Variants in GPC6 observed in about 807,000 individuals in gnomAD.
GPC6 encodes the protein glypican-6.
In GPC6, 14 loss-of-function variants were observed where a neutral mutation model predicts 55.2. The observed-to-expected ratio is 0.25, with a 90% confidence interval of 0.17 to 0.40. The LOEUF is 0.40. GPC6 is among the 10% of genes least tolerant of loss of function. The pLI is 1.00. For synonymous variants in GPC6, 278 were observed against 259.6 expected (o/e 1.07, Z -0.68); for missense variants, 641 against 708.5 (o/e 0.90, Z 1.08).
intron 2 of GPC6, among the ~76,000 whole-genome samples, chr13:93,735,865 G>T (rs901102663): frequency 6.6e-6 from 1 of 152,094 alleles, no homozygotes; most frequent in Admixed American, 6.5e-5. Flanking sequence ...TCCATTATTT[G>T]GCTAATTAAT....
At chr13:93,971,073 A>AT (rs1880263007) in intron 3 of GPC6, among the ~76,000 whole-genome samples, 1 of 152,228 alleles carries the variant, frequency 6.6e-6, no homozygotes, top group Non-Finnish European at 1.5e-5. Flanking sequence ...TCAATAATAA[A>AT]TTATTCTACA....
At chr13:93,926,746 G>A (rs1019075198) in intron 3 of GPC6, among the ~76,000 whole-genome samples, 1 of 152,108 alleles carries the variant, frequency 6.6e-6, no homozygotes, top group African/African-American at 2.4e-5. Context: ...CCAGCTTTAG[G>A]CAGGCATATT....
intron 5 of GPC6, among the ~76,000 whole-genome samples, chr13:94,288,942 GATAGATAGATAT>G (rs56836398): frequency 5.7e-3 from 86 of 15,178 alleles, no homozygotes; most frequent in African/African-American, 0.01. Flanking sequence ...TAGATAGATA[GATAGATAGATAT>G]ATAGATAGAT....
chr13:94,400,903 G>T (rs141709547), intron 8 of GPC6, among the ~76,000 whole-genome samples: 1 of 152,180 alleles, frequency 6.6e-6, no homozygotes, highest in African/African-American at 2.4e-5. Flanking sequence ...ATTTTTACGG[G>T]TGAGGAAACG....
chr13:93,516,917 G>A (rs554101947), intron 1 of GPC6, among the ~76,000 whole-genome samples: 61 of 152,194 alleles, frequency 4.0e-4, no homozygotes, highest in African/African-American at 1.4e-3. Flanking sequence ...CAGTAGCTTG[G>A]TCAGGACTGT....
chr13:93,459,439 T>G (rs1392714396), intron 1 of GPC6, among the ~76,000 whole-genome samples: 1 of 152,174 alleles, frequency 6.6e-6, no homozygotes, highest in East Asian at 1.9e-4. Context: ...GCATTTTTTC[T>G]GCTTATATTT....
intron 1 of GPC6, among the ~76,000 whole-genome samples, chr13:93,231,347 A>ACATATATATATATG (rs1876011985): frequency 6.8e-5 from 2 of 29,610 alleles, no homozygotes; most frequent in African/African-American, 3.7e-4. Context: ...ATATATATAC[A>ACATATATATATATG]TATATATATA....
intron 2 of GPC6, among the ~76,000 whole-genome samples, chr13:93,763,804 A>G (rs1364994987): frequency 6.8e-6 from 1 of 147,184 alleles, no homozygotes; most frequent in Non-Finnish European, 1.5e-5. Flanking sequence ...AGATGTTGGA[A>G]TAATTAGCAA....
intron 2 of GPC6, among the ~76,000 whole-genome samples, chr13:93,639,194 C>T (rs548510642): frequency 6.6e-6 from 1 of 152,100 alleles, no homozygotes; most frequent in Non-Finnish European, 1.5e-5. Flanking sequence ...AATGGATGCT[C>T]AGGGAAGCCT....
intron 6 of GPC6, among the ~76,000 whole-genome samples, chr13:94,321,792 G>A (rs1007040729): frequency 6.6e-6 from 1 of 152,118 alleles, no homozygotes; most frequent in African/African-American, 2.4e-5. Context: ...CCCCAGGCCT[G>A]AGCCTATGGA....
At chr13:94,046,510 C>T (rs189809818) in intron 4 of GPC6, among the ~76,000 whole-genome samples, 119 of 151,966 alleles carry the variant, frequency 7.8e-4, no homozygotes, top group Admixed American at 2.0e-3. Flanking sequence ...AGAACAGAGC[C>T]GGGAAAATCT....
chr13:93,872,064 A>G (rs1313823036), intron 3 of GPC6, among the ~76,000 whole-genome samples: 1 of 152,028 alleles, frequency 6.6e-6, no homozygotes, highest in Non-Finnish European at 1.5e-5. Flanking sequence ...TGAATCAAAT[A>G]GAAGTGCTCA....
chr13:94,222,889 T>C (rs1321142559), intron 4 of GPC6, among the ~76,000 whole-genome samples: 2 of 152,126 alleles, frequency 1.3e-5, no homozygotes, highest in Non-Finnish European at 2.9e-5. Context: ...CCTCACCATC[T>C]TAGTTATTGC....
chr13:93,533,685 G>A (rs960749768), intron 1 of GPC6, among the ~76,000 whole-genome samples: 1 of 152,018 alleles, frequency 6.6e-6, no homozygotes, highest in Non-Finnish European at 1.5e-5. Flanking sequence ...TGTAGGACAC[G>A]GGGTAGGAAA....
chr13:94,237,515 G>C (rs565922138), intron 4 of GPC6, among the ~76,000 whole-genome samples: 1 of 152,230 alleles, frequency 6.6e-6, no homozygotes, highest in African/African-American at 2.4e-5. Flanking sequence ...GATTGGATAG[G>C]TAGCAAGGAG....
intron 4 of GPC6, among the ~76,000 whole-genome samples, chr13:94,145,627 A>G (rs1424364405): frequency 6.6e-6 from 1 of 152,192 alleles, no homozygotes; most frequent in Non-Finnish European, 1.5e-5. Flanking sequence ...AGATGATTCT[A>G]CATTAAGTAA....
chr13:94,187,945 A>T (rs1297042684), intron 4 of GPC6: 2 of 152,118 alleles, frequency 1.3e-5, no homozygotes, highest in Non-Finnish European at 2.9e-5. Flanking sequence ...CTGCCATTTT[A>T]TGGGGTACAT....
At chr13:94,285,395 C>T (rs910348533) in intron 4 of GPC6, among the ~76,000 whole-genome samples, 1 of 152,090 alleles carries the variant, frequency 6.6e-6, no homozygotes, top group East Asian at 1.9e-4. Flanking sequence ...CAGAGTTCAA[C>T]GTGGAACAGA....
intron 4 of GPC6, among the ~76,000 whole-genome samples, chr13:94,133,352 T>C (rs572289850): frequency 2.7e-5 from 4 of 147,156 alleles, no homozygotes; most frequent in East Asian, 2.0e-4. Flanking sequence ...TCTTAAAATA[T>C]AAGATGTGAA....
Sources: allele counts gnomAD v4.1 joint callset (sites outside exome capture counted in the v4.1 genomes callset), GRCh38; gene constraint gnomAD v4.1.1; transcripts MANE v1.5; gene names NCBI Gene and HGNC (gene_info 2026-07-23, HGNC 2026-07-21).